Variants in CCDC85A observed in about 807,000 individuals in gnomAD.
The protein encoded by CCDC85A is coiled-coil domain containing 85A.
A neutral mutation model predicts 50.2 loss-of-function variants in CCDC85A; 38 were observed. That is an observed-to-expected ratio of 0.76 (90% confidence interval 0.58 to 0.99). CCDC85A has a LOEUF of 0.99. CCDC85A is among the 50% of genes least tolerant of loss of function. CCDC85A has a pLI of 0.00. For synonymous variants in CCDC85A, 366 were observed against 301.4 expected, an observed-to-expected ratio of 1.21 and a Z score of -2.22; for missense variants, 820 against 742.0, an observed-to-expected ratio of 1.11 and a Z score of -1.22.
chr2:56,373,676 G>A (rs1573365924), intron 4 of CCDC85A, among the ~76,000 whole-genome samples: 1 of 152,180 alleles, frequency 6.6e-6, no homozygotes, highest in Non-Finnish European at 1.5e-5. Flanking sequence ...AGAGTGGGAA[G>A]GTTTATTGCC....
At chr2:56,183,902 C>A (rs1675868133), upstream of CCDC85A, 5 of 985,416 alleles carry the variant, frequency 5.1e-6, no homozygotes, top group South Asian at 2.3e-4. Context: ...CGAGTGGCAG[C>A]TGCGTCCAGC....
chr2:56,239,815 G>T (rs969301), intron 2 of CCDC85A, among the ~76,000 whole-genome samples: 1 of 151,940 alleles, frequency 6.6e-6, no homozygotes, highest in Admixed American at 6.6e-5. Context: ...TTTTGTTGGA[G>T]AGTTCCCTTG....
chr2:56,194,245 A>C (rs1325113458), intron 2 of CCDC85A, among the ~76,000 whole-genome samples: 1 of 152,236 alleles, frequency 6.6e-6, no homozygotes, highest in Non-Finnish European at 1.5e-5. Flanking sequence ...CGTCCACTAC[A>C]TTTGCTGAGG....
At chr2:56,210,110 A>C (rs1432396513) in intron 2 of CCDC85A, among the ~76,000 whole-genome samples, 1 of 152,076 alleles carries the variant, frequency 6.6e-6, no homozygotes, top group Non-Finnish European at 1.5e-5. Context: ...AGTAATGGCT[A>C]GGTGGTCTGA....
chr2:56,298,470 C>T (rs1672054975), intron 2 of CCDC85A, among the ~76,000 whole-genome samples: 1 of 152,170 alleles, frequency 6.6e-6, no homozygotes. Context: ...TTAACACTTT[C>T]AATGAGTATT....
chr2:56,352,034 G>T (rs1558654572), intron 3 of CCDC85A, among the ~76,000 whole-genome samples: 2 of 152,132 alleles, frequency 1.3e-5, no homozygotes, highest in South Asian at 2.1e-4. Context: ...TTTGTATAAG[G>T]TGTAAGGAAG....
intron 2 of CCDC85A, among the ~76,000 whole-genome samples, chr2:56,290,024 A>G (rs1250885402): frequency 1.3e-5 from 2 of 152,106 alleles, no homozygotes; most frequent in Admixed American, 6.6e-5. Context: ...CCAGACCCTC[A>G]TTTCCTGCTA....
intron 2 of CCDC85A, among the ~76,000 whole-genome samples, chr2:56,251,005 T>C (rs1669728708): frequency 6.6e-6 from 1 of 152,110 alleles, no homozygotes; most frequent in South Asian, 2.1e-4. Context: ...AGTTCTGTCT[T>C]TTGTGTGTCT....
intron 2 of CCDC85A, among the ~76,000 whole-genome samples, chr2:56,200,364 C>G (rs1379776025): frequency 6.6e-6 from 1 of 152,096 alleles, no homozygotes; most frequent in African/African-American, 2.4e-5. Flanking sequence ...ATTTTGGGAC[C>G]TATTAAGAAT....
intron 2 of CCDC85A, among the ~76,000 whole-genome samples, chr2:56,302,073 A>G (rs1573211106): frequency 6.6e-6 from 1 of 151,902 alleles, no homozygotes; most frequent in Non-Finnish European, 1.5e-5. Flanking sequence ...CTGGCCAACA[A>G]GGTGAAATCC....
At chr2:56,255,602 C>T (rs943192061) in intron 2 of CCDC85A, among the ~76,000 whole-genome samples, 1 of 151,734 alleles carries the variant, frequency 6.6e-6, no homozygotes. Context: ...GAAGGAGGGC[C>T]CAGCTGTGTC....
intron 2 of CCDC85A, among the ~76,000 whole-genome samples, chr2:56,261,962 C>A (rs952395783): frequency 6.6e-6 from 1 of 152,238 alleles, no homozygotes; most frequent in Non-Finnish European, 1.5e-5. Context: ...CCAGGTGGGC[C>A]GCAGTGAAAG....
In CCDC85A at chr2:56,222,304, T is replaced by G. The variant is rs117078266; in HGVS notation, c.1240+28864T>G. Among the ~76,000 whole-genome samples the G allele has an allele frequency of 9.3e-4, 141 of 152,256 alleles. No homozygotes were observed. In the East Asian group the frequency reaches 0.026, roughly 28 times the overall value. On this transcript the variant is annotated intron_variant, in intron 2 of 5. Coordinates refer to ENST00000407595, the MANE Select transcript of CCDC85A (RefSeq NM_001080433.2). ...AAAAAATGATTCCCAATTTAAAAATTTTTAATTGACATTGTACATATTTAA... is the reference window on the plus strand; with the variant it reads ...AAAAAATGATTCCCAATTTAAAAATGTTTAATTGACATTGTACATATTTAA...
At chr2:56,298,232 C>T (rs892686641) in intron 2 of CCDC85A, among the ~76,000 whole-genome samples, 5 of 152,028 alleles carry the variant, frequency 3.3e-5, no homozygotes, top group Admixed American at 6.6e-5. Flanking sequence ...AGGGAATGCG[C>T]GGGACTGAAA....
At chr2:56,217,539 A>G (rs1668123876) in intron 2 of CCDC85A, among the ~76,000 whole-genome samples, 1 of 151,888 alleles carries the variant, frequency 6.6e-6, no homozygotes, top group South Asian at 2.1e-4. Context: ...TTTAAAATGA[A>G]TGTTGTGTTA....
chr2:56,199,846 C>A (rs1676660463), intron 2 of CCDC85A, among the ~76,000 whole-genome samples: 1 of 152,116 alleles, frequency 6.6e-6, no homozygotes, highest in Admixed American at 6.6e-5. Flanking sequence ...AGTATTTTAG[C>A]TTTTCAAGGT....
intron 2 of CCDC85A, among the ~76,000 whole-genome samples, chr2:56,313,799 G>C (rs964459210): frequency 2.0e-5 from 3 of 149,438 alleles, no homozygotes; most frequent in African/African-American, 7.7e-5. Context: ...AGAAGGAACA[G>C]GGGTGGGACA....
intron 2 of CCDC85A, among the ~76,000 whole-genome samples, chr2:56,319,499 G>C (rs980144874): frequency 8.5e-5 from 13 of 152,076 alleles, no homozygotes; most frequent in Non-Finnish European, 1.6e-4. Flanking sequence ...CCTGGTAAAT[G>C]CTGTTTTGCA....
chr2:56,345,749 T>C (rs942680860), intron 3 of CCDC85A, among the ~76,000 whole-genome samples: 2 of 152,214 alleles, frequency 1.3e-5, no homozygotes, highest in African/African-American at 2.4e-5. Context: ...CCTGTACAAC[T>C]TACTCTTAGA....
Sources: gnomAD v4.1 joint callset for allele counts (sites outside exome capture counted in the v4.1 genomes callset) on GRCh38, gnomAD v4.1.1 for gene constraint, MANE v1.5 for transcripts, NCBI Gene and HGNC (gene_info 2026-07-23, HGNC 2026-07-21) for gene names.